The following EVC variants were observed in gnomAD, a reference collection of about 807,000 sequenced individuals.
The protein encoded by EVC is evC complex member EVC.
EVC carries 116 observed loss-of-function variants against 118.9 expected under a neutral mutation model. That is an observed-to-expected ratio of 0.98 (90% CI 0.84 to 1.14). EVC has a LOEUF of 1.14. Among genes scored for constraint, EVC ranks in the 50% most tolerant of loss-of-function variants. The pLI is 0.00. For missense variants in EVC, 1,401 were observed against 1,246.4 expected (o/e 1.12, Z -1.87); for synonymous variants, 619 against 534.7 (o/e 1.16, Z -2.18).
chr4:5,828,541 G>A, the EVC span: 62 of 1,614,118 alleles, frequency 3.8e-5, no homozygotes, highest in Non-Finnish European at 4.9e-5. Flanking sequence ...CGCCTTCCGC[G>A]GAATGAAGCG....
the EVC span, among the ~76,000 whole-genome samples, chr4:5,820,284 GTCACCATCA>G: frequency 1.9e-4 from 29 of 151,850 alleles, no homozygotes; most frequent in Non-Finnish European, 2.4e-4. Context: ...CACCACTATC[GTCACCATCA>G]TCACCATCAC....
intron 11 of EVC, among the ~76,000 whole-genome samples, chr4:5,781,522 TG>T (rs1453007259): frequency 6.6e-6 from 1 of 151,844 alleles, no homozygotes; most frequent in Non-Finnish European, 1.5e-5. Context: ...TGATTGGAGA[TG>T]GGGCAAAAGG....
At chr4:5,725,232 G>T (rs1442155754) in intron 2 of EVC, among the ~76,000 whole-genome samples, 1 of 152,142 alleles carries the variant, frequency 6.6e-6, no homozygotes, top group African/African-American at 2.4e-5. Flanking sequence ...CCTTTGGGTA[G>T]ATACCCAGTA....
At chr4:5,780,728 G>A (rs79768152) in intron 11 of EVC, among the ~76,000 whole-genome samples, 14 of 152,228 alleles carry the variant, frequency 9.2e-5, no homozygotes, top group African/African-American at 3.4e-4. Context: ...GCAAAGGAGG[G>A]GCACCTCTTC....
At chr4:5,722,749 C>T (rs1725166210) in intron 2 of EVC, among the ~76,000 whole-genome samples, 1 of 152,144 alleles carries the variant, frequency 6.6e-6, no homozygotes, top group Non-Finnish European at 1.5e-5. Flanking sequence ...AATGGTTTTT[C>T]ATTTCCTGCA....
Position 5,719,553 on chromosome 4 carries a change from GT to G in EVC, c.300+184del, listed in dbSNP as rs1047442831. On this transcript the variant is annotated intron_variant, in intron 2 of 20. Transcript: ENST00000264956. This position sits in a 1 kb window ranked among gnomAD's most constrained non-coding sequence, Gnocchi z 4.7. Reference sequence around the variant, plus strand: ...GACTTTAGGTTTTACAGTTTGATGAGTTTTGACAATTGCATGCCCCTTAGAA... The same window carrying G: ...GACTTTAGGTTTTACAGTTTGATGAGTTTGACAATTGCATGCCCCTTAGAA... Among the ~76,000 whole-genome samples, 7 of 152,168 alleles carry G rather than the reference GT, an allele frequency of 4.6e-5. No homozygotes were observed. The highest frequency in any genetic ancestry group is 8.8e-5 in the Non-Finnish European group (6 of 68,034).
rs1445929764 is a variant in EVC at position 5,755,388 on chromosome 4, G to A, written c.1465-876G>A. ...AGGGTGAATGAGCGCATGCGTGCCT[G>A]AATGAACCAGGACATGGACAAATGG... On this transcript the variant is annotated intron_variant, in intron 10 of 20. Coordinates refer to ENST00000264956, the MANE Select transcript of EVC (RefSeq NM_153717.3). This position sits in a 1 kb window ranked among gnomAD's most constrained non-coding sequence, Gnocchi z 4.1. Among the ~76,000 whole-genome samples the A allele has an allele frequency of 6.6e-6, 1 of 151,978 alleles. No individual in the cohort carries two copies. The highest frequency in any genetic ancestry group is 1.5e-5 in the Non-Finnish European group (1 of 68,024).
chr4:5,732,669 A>T (rs1173076294), intron 4 of EVC, among the ~76,000 whole-genome samples: 1 of 152,234 alleles, frequency 6.6e-6, no homozygotes, highest in Non-Finnish European at 1.5e-5. Flanking sequence ...GGGCATGAGA[A>T]TGTCTCTGCT....
intron 12 of EVC, among the ~76,000 whole-genome samples, chr4:5,791,803 C>G (rs1712838156): frequency 1.3e-5 from 2 of 152,084 alleles, no homozygotes; most frequent in East Asian, 3.9e-4. Context: ...TGAACACAGA[C>G]CCAACGTGAA....
chr4:5,796,464 C>T (rs966189666), intron 13 of EVC, among the ~76,000 whole-genome samples: 1 of 152,030 alleles, frequency 6.6e-6, no homozygotes, highest in South Asian at 2.1e-4. Context: ...TTCACTCCAC[C>T]CATGTTGGAA....
intron 2 of EVC, 122 bp from the exon 3 acceptor site, chr4:5,729,185 C>T (rs1726377497): frequency 3.5e-6 from 3 of 848,694 alleles, no homozygotes; most frequent in Admixed American, 3.7e-5. Context: ...TCTAAATGTG[C>T]CTATCATGGT....
Position 5,753,094 on chromosome 4 carries a change from T to G in EVC, c.1315+42T>G. 5 of 1,526,844 alleles carry G rather than the reference T, an allele frequency of 3.3e-6. No homozygotes were observed. In the African/African-American group the frequency reaches 5.5e-5, roughly 17 times the overall value. 94.6% of individuals were successfully genotyped at this position (1,526,844 alleles called of 1,614,324 possible). On this transcript the variant is annotated intron_variant, in intron 9 of 20. Coordinates refer to ENST00000264956, the MANE Select transcript of EVC (RefSeq NM_153717.3). ...GGTGCCGCCGTCCACAACACTGGCC[T>G]TCTGGGTCCCTGGGGCTGTGCAGTG...
chr4:5,734,688 G>T (rs1423293747), intron 5 of EVC, among the ~76,000 whole-genome samples: 1 of 152,216 alleles, frequency 6.6e-6, no homozygotes, highest in African/African-American at 2.4e-5. Context: ...GCACACTGGG[G>T]ATGTGCCTGG....
intron 1 of EVC, among the ~76,000 whole-genome samples, chr4:5,712,588 C>T (rs1469775277): frequency 6.6e-6 from 1 of 152,202 alleles, no homozygotes. Context: ...CGTGGTCTTG[C>T]TACCCCCATT....
chr4:5,804,804 G>A lies in EVC; in HGVS notation c.2524G>A (p.Gly842Ser), dbSNP rs1446692986. 4 of 1,614,166 alleles carry A rather than the reference G, an allele frequency of 2.5e-6. No individual in the cohort carries two copies. Among genetic ancestry groups the A allele is most frequent in the Admixed American group, 3.3e-5 (2 of 60,026 alleles). ...CCCTTCGTCGGGCAGCAGGACGGCA[G>A]GTGGCGCTCATGAGACCTCCCAGGC... ...SNPSSGSRTA[G>S]GAHETSQAVH... Residue 842 changes from glycine (G) to serine (S), a missense_variant, in exon 17 of 21, where the codon GGT becomes AGT. By Grantham distance (56) the Gly-to-Ser change is moderately conservative (BLOSUM62 0). Transcript: ENST00000264956.
chr4:5,756,353 A>C lies in EVC; in HGVS notation c.1554A>C (p.Ala518=), dbSNP rs1731170837. 1 of 1,608,896 alleles carries C rather than the reference A, an allele frequency of 6.2e-7. No individual in the cohort carries two copies. Among genetic ancestry groups the C allele is most frequent in the Non-Finnish European group, 8.5e-7 (1 of 1,178,118 alleles). ...TCAGAGCCACCGAGGCTGTGGTTGC[A>C]CTCTGCCAGGTACATGGCCTCTGTG... ...ENVRATEAVV[A]LCQELYFSTV... The change falls in exon 11 of 21, where the codon GCA becomes GCC. Residue 518 remains alanine (A), a synonymous_variant. Coordinates refer to ENST00000264956, the MANE Select transcript of EVC (RefSeq NM_153717.3). This position sits in a 1 kb window ranked among gnomAD's most constrained non-coding sequence, Gnocchi z 4.2.
At position 5,711,338 on chromosome 4, in the gene EVC, G is replaced by A; in HGVS notation, c.-43G>A. 9.9e-7 allele frequency: 1 copy of A among 1,006,706 alleles called. No individual in the cohort carries two copies. Among genetic ancestry groups the A allele is most frequent in the Non-Finnish European group, 1.2e-6 (1 of 844,568 alleles). 62.4% of individuals were successfully genotyped at this position (1,006,706 alleles called of 1,614,324 possible). ...TCGCCGCCCTGGCGGGGACGGTGCA[G>A]CAGGCGGCGGGATGCGGCGGGGCGG... On this transcript the variant is annotated 5_prime_UTR_variant, in exon 1 of 21. Transcript: ENST00000264956.
intron 11 of EVC, among the ~76,000 whole-genome samples, chr4:5,768,414 C>G (rs191649466): frequency 6.6e-6 from 1 of 152,204 alleles, no homozygotes; most frequent in East Asian, 1.9e-4. Flanking sequence ...GGGAGAAAGC[C>G]TGGAGCTTTG....
the EVC span, chr4:5,825,925 CACAT>C: frequency 7.0e-4 from 352 of 502,890 alleles, 1 homozygote; most frequent in Middle Eastern, 2.1e-3. The surrounding 1 kb of genome is among the most constrained non-coding windows in gnomAD (Gnocchi z 4.4). Context: ...CACACGCACT[CACAT>C]ACATGCAGTC....
Sources: allele counts gnomAD v4.1 joint callset (sites outside exome capture counted in the v4.1 genomes callset), GRCh38; gene constraint gnomAD v4.1.1; non-coding constraint Gnocchi (gnomAD v3.1); transcripts MANE v1.5; gene names NCBI Gene and HGNC (gene_info 2026-07-23, HGNC 2026-07-21).